The following GULP1 variants were observed in gnomAD, a reference collection of about 807,000 sequenced individuals.
GULP1 encodes the protein GULP PTB domain containing engulfment adaptor 1, also known as PTB domain-containing engulfment adapter protein 1.
A neutral mutation model predicts 40.9 loss-of-function variants in GULP1; 19 were observed. The observed-to-expected ratio is 0.46, with a 90% CI of 0.32 to 0.68. The LOEUF (loss-of-function observed/expected upper bound fraction) is 0.68, where lower values mean the gene tolerates loss of function less well. Ranked by LOEUF, GULP1 falls within the 30% of genes least tolerant of loss-of-function variation. The pLI is 0.03. For synonymous variants in GULP1, 119 were observed against 117.6 expected (o/e 1.01, Z -0.08); for missense variants, 312 against 362.2 (o/e 0.86, Z 1.12).
chr2:188,305,850 T>C (rs1450966681), intron 1 of GULP1, among the ~76,000 whole-genome samples: 1 of 152,210 alleles, frequency 6.6e-6, no homozygotes, highest in African/African-American at 2.4e-5. Context: ...CAATCTTGGC[T>C]CACTGCTGCC....
intron 4 of GULP1, among the ~76,000 whole-genome samples, chr2:188,502,877 G>A (rs1377745704): frequency 6.6e-6 from 1 of 151,928 alleles, no homozygotes; most frequent in African/African-American, 2.4e-5. Flanking sequence ...CAGGCTTAAT[G>A]TCTGATAAGG....
chr2:188,330,729 A>C (rs368085487), intron 1 of GULP1, among the ~76,000 whole-genome samples: 35 of 152,314 alleles, frequency 2.3e-4, no homozygotes, highest in African/African-American at 7.7e-4. Flanking sequence ...CCAACAAGCC[A>C]TGTAAATTTA....
intron 2 of GULP1, among the ~76,000 whole-genome samples, chr2:188,385,853 C>A (rs145246567): frequency 6.6e-6 from 1 of 152,234 alleles, no homozygotes; most frequent in African/African-American, 2.4e-5. Context: ...TGTCTGAGAC[C>A]ACCTCAGCCT....
At chr2:188,523,942 A>G (rs1685479058) in intron 5 of GULP1, among the ~76,000 whole-genome samples, 2 of 152,348 alleles carry the variant, frequency 1.3e-5, no homozygotes, top group South Asian at 4.1e-4. Context: ...GGATTAGCCA[A>G]CTATTTATTT....
intron 1 of GULP1, among the ~76,000 whole-genome samples, chr2:188,302,173 CTTA>C (rs990608014): frequency 2.6e-5 from 4 of 152,044 alleles, no homozygotes; most frequent in East Asian, 1.9e-4. Flanking sequence ...TCTATAAAAA[CTTA>C]TTATTCAAAT....
At chr2:188,332,096 T>G (rs751441101) in intron 1 of GULP1, among the ~76,000 whole-genome samples, 17 of 152,154 alleles carry the variant, frequency 1.1e-4, no homozygotes, top group South Asian at 2.1e-4. Flanking sequence ...TACAAAATTC[T>G]GACTCTTCCA....
intron 3 of GULP1, among the ~76,000 whole-genome samples, chr2:188,482,969 G>C (rs2061553351): frequency 6.6e-6 from 1 of 151,762 alleles, no homozygotes; most frequent in Non-Finnish European, 1.5e-5. Flanking sequence ...AGTATAATAT[G>C]ATAATTTCCC....
chr2:188,574,180 A>G (rs987630755), intron 9 of GULP1, among the ~76,000 whole-genome samples: 10 of 152,196 alleles, frequency 6.6e-5, no homozygotes, highest in African/African-American at 2.4e-4. Flanking sequence ...AAAGAAAAAA[A>G]GTAGGAATGG....
intron 2 of GULP1, among the ~76,000 whole-genome samples, chr2:188,399,858 T>G (rs1175118789): frequency 6.6e-6 from 1 of 152,186 alleles, no homozygotes; most frequent in Non-Finnish European, 1.5e-5. Context: ...TGTACATACT[T>G]GTATTTACTA....
At chr2:188,438,443 A>G (rs1164851757) in intron 2 of GULP1, among the ~76,000 whole-genome samples, 1 of 150,692 alleles carries the variant, frequency 6.6e-6, no homozygotes, top group African/African-American at 2.4e-5. Flanking sequence ...ATAATATATG[A>G]CTACCAAATT....
chr2:188,327,450 A>C (rs2040911541), intron 1 of GULP1, among the ~76,000 whole-genome samples: 1 of 152,080 alleles, frequency 6.6e-6, no homozygotes, highest in Admixed American at 6.6e-5. Context: ...GCTCCTTACA[A>C]GTTTCCTTGG....
intron 4 of GULP1, 83 bp from the exon 5 acceptor site, chr2:188,522,673 C>G (rs1685149942): frequency 9.3e-6 from 7 of 750,274 alleles, no homozygotes; most frequent in South Asian, 1.7e-5. Flanking sequence ...TTAAACCATT[C>G]TATTATGCAA....
chr2:188,372,843 A>G (rs1175790998), intron 1 of GULP1, among the ~76,000 whole-genome samples: 7 of 152,022 alleles, frequency 4.6e-5, no homozygotes, highest in African/African-American at 1.7e-4. Context: ...CCTCACAGAT[A>G]GGAAACTATC....
At chr2:188,564,808 G>C (rs930311513) in intron 7 of GULP1, among the ~76,000 whole-genome samples, 25 of 151,926 alleles carry the variant, frequency 1.6e-4, no homozygotes, top group African/African-American at 4.8e-4. Context: ...CCTGATGTCA[G>C]AACTTACCTT....
chr2:188,341,008 A>G (rs2042896581), intron 1 of GULP1, among the ~76,000 whole-genome samples: 1 of 151,920 alleles, frequency 6.6e-6, no homozygotes, highest in Non-Finnish European at 1.5e-5. Flanking sequence ...TTTTATGGGT[A>G]CAGGATAGGG....
intron 1 of GULP1, among the ~76,000 whole-genome samples, chr2:188,371,590 T>C (rs2047605765): frequency 6.6e-6 from 1 of 152,074 alleles, no homozygotes; most frequent in South Asian, 2.1e-4. Flanking sequence ...AAATAAAATG[T>C]CATTATATCA....
In GULP1 at chr2:188,560,452, C is replaced by A. The variant is rs116512855; in HGVS notation, c.400-8787C>A. ...TCATAACCATTTAACCAGTCTCTAGCAAATTCCAAACTTTCCCTCATTTTC... is the reference window on the plus strand; with the variant it reads ...TCATAACCATTTAACCAGTCTCTAGAAAATTCCAAACTTTCCCTCATTTTC... On this transcript the variant is annotated intron_variant, in intron 7 of 11. Coordinates refer to ENST00000409830, the MANE Select transcript of GULP1 (RefSeq NM_016315.4). Among the ~76,000 whole-genome samples, 546 of 152,306 alleles carry A rather than the reference C, an allele frequency of 3.6e-3. 5 individuals carry two copies. The highest frequency in any genetic ancestry group is 0.013 in the African/African-American group (524 of 41,564).
chr2:188,535,722 AG>A (rs926095033), intron 6 of GULP1, among the ~76,000 whole-genome samples: 2 of 152,140 alleles, frequency 1.3e-5, no homozygotes, highest in African/African-American at 4.8e-5. Context: ...ACCCAGTAAC[AG>A]GGTTGCTGGA....
intron 1 of GULP1, among the ~76,000 whole-genome samples, chr2:188,352,618 T>TCTCTCACACA (rs578003996): frequency 7.4e-6 from 1 of 134,406 alleles, no homozygotes; most frequent in Admixed American, 7.7e-5. Context: ...TCTCTCTCTC[T>TCTCTCACACA]CACACACACA....
Sources: allele counts gnomAD v4.1 joint callset (sites outside exome capture counted in the v4.1 genomes callset), GRCh38; gene constraint gnomAD v4.1.1; transcripts MANE v1.5; gene names NCBI Gene and HGNC (gene_info 2026-07-23, HGNC 2026-07-21).